SLCO1B3: variants seen among roughly 807,000 people sequenced by gnomAD.
SLCO1B3 encodes liver-specific organic anion transporter 2.
A neutral mutation model predicts 71.8 loss-of-function variants in SLCO1B3; 72 were observed. The ratio of observed to expected loss-of-function variants is 1.00; its 90% CI spans 0.83 to 1.22. The LOEUF (loss-of-function observed/expected upper bound fraction) is 1.22, where lower values mean the gene tolerates loss of function less well. Among genes scored for constraint, SLCO1B3 ranks in the 50% most tolerant of loss-of-function variants. The pLI is 0.00. For synonymous variants in SLCO1B3, 298 were observed against 278.4 expected (o/e 1.07, Z -0.70); for missense variants, 911 against 819.7 (o/e 1.11, Z -1.36).
rs1003882608 is a variant in SLCO1B3 at position 20,861,038 on chromosome 12, C to A, written c.381C>A (p.Thr127=). 6.3e-7 allele frequency: 1 copy of A among 1,589,072 alleles called. No individual in the cohort carries two copies. The highest frequency in any genetic ancestry group is 1.3e-5 in the African/African-American group (1 of 74,214). ...ACAGTTATAGGTATTCTAAAGAAAC[C>A]CATATTAATCCATCAGAAAATTCAA... is the stretch of plus-strand genomic sequence containing the variant. The part of the protein sequence containing the change: ...FMGYYRYSKE[T]HINPSENSTS... Residue 127 remains threonine, a synonymous_variant, in exon 6 of 16, where the codon ACC becomes ACA. Coordinates refer to ENST00000381545, the MANE Select transcript of SLCO1B3 (RefSeq NM_019844.4).
intron 3 of SLCO1B3, among the ~76,000 whole-genome samples, chr12:20,822,230 G>A (rs1002480947): frequency 1.3e-5 from 2 of 152,162 alleles, no homozygotes; most frequent in Non-Finnish European, 2.9e-5. Context: ...GGCTTTGTGT[G>A]AGCAATAAAG....
At position 20,814,978 on chromosome 12, in the gene SLCO1B3, TTTC is replaced by T. The variant is rs1190866634; in HGVS notation, c.-65-693_-65-691del. Reference sequence around the variant, plus strand: ...AGCAGAATCTTGCCTTTTCTTTTCTTTTCTTTTTTTTTTTTTTTGCATTTTTCA... The same window carrying T: ...AGCAGAATCTTGCCTTTTCTTTTCTTTTTTTTTTTTTTTTTGCATTTTTCA... On this transcript the variant is annotated intron_variant, in intron 2 of 15. Transcript: ENST00000381545. Among the ~76,000 whole-genome samples the T allele has an allele frequency of 2.5e-4, 8 of 31,586 alleles. No individual in the cohort carries two copies. The South Asian group carries it at 8.5e-3, about 33-fold the overall frequency. 20.7% of individuals were successfully genotyped at this position (31,586 alleles called of 152,430 possible). A position where few individuals can be genotyped will look rare whatever the true frequency, so the allele number is the denominator to read the frequency against.
intron 8 of SLCO1B3, among the ~76,000 whole-genome samples, chr12:20,874,983 A>G (rs555870142): frequency 1.3e-5 from 2 of 152,318 alleles, no homozygotes; most frequent in South Asian, 4.1e-4. Flanking sequence ...AAAAGCCACC[A>G]AGTGCACACA....
In SLCO1B3 at chr12:20,845,376, G is replaced by C. The variant is rs1864896597; in HGVS notation, c.85-9652G>C. 4 of 211,944 alleles carry C rather than the reference G, an allele frequency of 1.9e-5. No homozygotes were observed. In the South Asian group the frequency reaches 2.8e-4, roughly 15 times the overall value. The allele number at this position is 211,944 out of a possible 1,614,324, so 13.1% of individuals were successfully genotyped here. On this transcript the variant is annotated intron_variant, in intron 3 of 15. Transcript: ENST00000381545. ...CCTTGGAAATCACAGAAAGTCAGCT[G>C]TCCTGGCTATATGGGACTCTCATCC... is the stretch of plus-strand genomic sequence containing the variant.
intron 3 of SLCO1B3, among the ~76,000 whole-genome samples, chr12:20,823,543 T>C (rs1864362195): frequency 1.3e-5 from 2 of 152,196 alleles, no homozygotes. Flanking sequence ...GACCAATTTA[T>C]TGGTAAAATA....
chr12:20,827,411 G>A (rs912915103), intron 3 of SLCO1B3, among the ~76,000 whole-genome samples: 4 of 152,090 alleles, frequency 2.6e-5, no homozygotes, highest in Admixed American at 2.0e-4. Flanking sequence ...AAATGCTTTT[G>A]TAAATCCAAT....
chr12:20,904,851 G>A (rs576639312), intron 15 of SLCO1B3, among the ~76,000 whole-genome samples: 5 of 124,376 alleles, frequency 4.0e-5, no homozygotes, highest in South Asian at 5.6e-4. Flanking sequence ...TCAGCTTCCC[G>A]TAACCACCGC....
At chr12:20,872,073 A>G (rs2217696) in intron 8 of SLCO1B3, among the ~76,000 whole-genome samples, 109,959 of 151,768 alleles carry the variant, frequency 0.72, 42,429 homozygotes, top group South Asian at 0.9. Context: ...CTGTTTTACT[A>G]TGGCTACGCT....
At chr12:20,901,203 A>G (rs1011026007) in intron 14 of SLCO1B3, 147 bp from the exon 15 acceptor site, 4 of 593,958 alleles carry the variant, frequency 6.7e-6, no homozygotes, top group Non-Finnish European at 1.2e-5. Context: ...AATAATTTTG[A>G]TTCCTGGGTG....
chr12:20,890,237 A>C (rs1358216591), intron 13 of SLCO1B3, among the ~76,000 whole-genome samples: 2 of 152,130 alleles, frequency 1.3e-5, no homozygotes, highest in Admixed American at 6.6e-5. Context: ...ATTAAAAAAA[A>C]AATCTGCCTT....
chr12:20,834,833 G>A (rs371891278), intron 3 of SLCO1B3, among the ~76,000 whole-genome samples: 16 of 152,116 alleles, frequency 1.1e-4, no homozygotes, highest in African/African-American at 3.1e-4. Context: ...CTGGAGGATC[G>A]TAGCCCTCTT....
chr12:20,905,036 A>T (rs563673536), intron 15 of SLCO1B3, among the ~76,000 whole-genome samples: 2 of 151,816 alleles, frequency 1.3e-5, no homozygotes, highest in East Asian at 3.9e-4. Flanking sequence ...CCAAACCTCA[A>T]CTCTTGCTTT....
Position 20,862,790 on chromosome 12 carries a change from C to T in SLCO1B3, c.663C>T (p.Val221=), listed in dbSNP as rs369915589. 5.7e-5 allele frequency: 92 copies of T among 1,611,790 alleles called. No homozygotes were observed. Among genetic ancestry groups the T allele is most frequent in the Non-Finnish European group, 7.6e-5 (89 of 1,178,180 alleles). The change falls in exon 8 of 16, where the codon GTC becomes GTT. Residue 221 remains valine, a synonymous_variant. Coordinates refer to ENST00000381545, the MANE Select transcript of SLCO1B3 (RefSeq NM_019844.4). ...SLNAIGMIGP[V]IGFALGSLFA... ...ATGCAATAGGAATGATTGGTCCAGT[C>T]ATTGGCTTTGCACTGGGATCTCTGT...
rs769846642 is a variant in SLCO1B3, at chr12:20,877,839, G to C, written c.1038G>C (p.Leu346Phe). 6.3e-7 allele frequency: 1 copy of C among 1,581,980 alleles called. No individual in the cohort carries two copies. The highest frequency in any genetic ancestry group is 8.6e-7 in the Non-Finnish European group (1 of 1,164,960). The stretch of plus-strand genomic sequence containing the variant: ...ATGTTATATTTCTGCTTTTGACATT[G>C]TTACAAGTAAGCAGCTTTATTGGTT... ...PLYVIFLLLT[L>F]LQVSSFIGSF... Residue 346 changes from leucine (L) to phenylalanine (F), a missense_variant, in exon 10 of 16, where the codon TTG (leucine) becomes TTC (phenylalanine). Transcript: ENST00000381545.
chr12:20,841,192 G>A (rs1864792661), intron 3 of SLCO1B3, among the ~76,000 whole-genome samples: 3 of 151,688 alleles, frequency 2.0e-5, no homozygotes, highest in Admixed American at 2.0e-4. Flanking sequence ...CTCCAATCTT[G>A]GAGACAGTGG....
chr12:20,881,105 A>C, intron 12 of SLCO1B3, 85 bp downstream of exon 12: 2 of 956,944 alleles, frequency 2.1e-6, no homozygotes, highest in Non-Finnish European at 3.1e-6. Flanking sequence ...TCTTCCTATA[A>C]CTAAGGTCTC....
At chr12:20,833,027 G>A (rs1346282200) in intron 3 of SLCO1B3, among the ~76,000 whole-genome samples, 1 of 152,136 alleles carries the variant, frequency 6.6e-6, no homozygotes, top group African/African-American at 2.4e-5. Context: ...GCAAGACCAT[G>A]TTTCTTTCTG....
intron 8 of SLCO1B3, among the ~76,000 whole-genome samples, chr12:20,870,572 C>A (rs1367768144): frequency 6.6e-6 from 1 of 152,102 alleles, no homozygotes; most frequent in East Asian, 1.9e-4. Flanking sequence ...TTTCTCAACA[C>A]CATTTATCAG....
chr12:20,893,665 A>G (rs927172503), intron 13 of SLCO1B3, among the ~76,000 whole-genome samples: 2 of 152,206 alleles, frequency 1.3e-5, no homozygotes, highest in Non-Finnish European at 2.9e-5. Flanking sequence ...GAATGTAGGA[A>G]CTAAATATTT....
Sources: gnomAD v4.1 joint callset for allele counts (sites outside exome capture counted in the v4.1 genomes callset) on GRCh38, gnomAD v4.1.1 for gene constraint, MANE v1.5 for transcripts, NCBI Gene and HGNC (gene_info 2026-07-23, HGNC 2026-07-21) for gene names.